GRAP2: variants seen among roughly 807,000 people sequenced by gnomAD.
The protein encoded by GRAP2 is GRB2-related adapter protein 2.
A neutral mutation model predicts 43.5 loss-of-function variants in GRAP2; 31 were observed. That is an observed-to-expected ratio of 0.71 (90% CI 0.54 to 0.96). GRAP2 has a LOEUF of 0.96. Ranked by LOEUF, GRAP2 falls within the 40% of genes least tolerant of loss-of-function variation. The probability of loss-of-function intolerance (pLI) is 0.00; values close to 1 mark genes in which losing one functional copy is unlikely to be tolerated. For missense variants in GRAP2, 371 were observed against 424.4 expected (o/e 0.87, Z 1.11); for synonymous variants, 156 against 164.8 (o/e 0.95, Z 0.41).
At chr22:39,958,726 C>G (rs528395986) in intron 3 of GRAP2, among the ~76,000 whole-genome samples, 1 of 152,196 alleles carries the variant, frequency 6.6e-6, no homozygotes, top group South Asian at 2.1e-4. Flanking sequence ...GTTTCCTTTG[C>G]GATATGGCTG....
At chr22:39,920,237 T>A (rs2066637406) in intron 1 of GRAP2, among the ~76,000 whole-genome samples, 2 of 152,214 alleles carry the variant, frequency 1.3e-5, no homozygotes, top group South Asian at 4.1e-4. Context: ...GGACACACAC[T>A]GTCCAGCATA....
At chr22:39,917,407 C>G (rs1179312573) in intron 1 of GRAP2, among the ~76,000 whole-genome samples, 3 of 152,174 alleles carry the variant, frequency 2.0e-5, no homozygotes, top group African/African-American at 7.2e-5. Context: ...AGATGCTTCT[C>G]GTTCTCAGAC....
At position 39,945,619 on chromosome 22, in the gene GRAP2, G is replaced by C. The variant is rs578228309; in HGVS notation, c.-14-1474G>C. ...AATTTTGATCAACAAGAAAATAACA[G>C]CTTTCAAGATTGTCCTGACAGTTAA... On this transcript the variant is annotated intron_variant, in intron 1 of 7. Transcript: ENST00000344138. Among the ~76,000 whole-genome samples the C allele has an allele frequency of 3.3e-5, 5 of 152,306 alleles. No individual in the cohort carries two copies. The South Asian group carries it at 8.3e-4, about 25-fold the overall frequency.
chr22:39,948,706 A>G (rs991926707), intron 2 of GRAP2, among the ~76,000 whole-genome samples: 1 of 151,912 alleles, frequency 6.6e-6, no homozygotes, highest in Non-Finnish European at 1.5e-5. Context: ...ATTCTCTTGA[A>G]GTTCACCAGT....
chr22:39,967,994 C>G (rs767038498), intron 5 of GRAP2, 48 bp from the exon 6 acceptor site: 3 of 1,581,814 alleles, frequency 1.9e-6, no homozygotes, highest in Non-Finnish European at 2.6e-6. Context: ...TAGGGCCAGA[C>G]GATCAGAGAG....
intron 1 of GRAP2, 44 bp from the exon 2 acceptor site, chr22:39,947,048 TC>T: frequency 9.2e-7 from 1 of 1,088,612 alleles, no homozygotes; most frequent in Admixed American, 1.7e-5. Flanking sequence ...TCTGCTGCCC[TC>T]CCCCTGGCAG....
intron 5 of GRAP2, among the ~76,000 whole-genome samples, chr22:39,967,006 AC>A (rs1420613802): frequency 2.0e-5 from 3 of 152,140 alleles, no homozygotes; most frequent in Non-Finnish European, 4.4e-5. Flanking sequence ...TCACACACAC[AC>A]ACACACACCA....
chr22:39,949,668 C>A (rs1054753400), intron 2 of GRAP2, among the ~76,000 whole-genome samples: 4 of 152,214 alleles, frequency 2.6e-5, no homozygotes, highest in Non-Finnish European at 4.4e-5. Context: ...CATCTGCCCC[C>A]TTTGAGCTTT....
chr22:39,917,932 T>C (rs757426473), intron 1 of GRAP2, among the ~76,000 whole-genome samples: 3 of 152,236 alleles, frequency 2.0e-5, no homozygotes, highest in Non-Finnish European at 2.9e-5. Context: ...ACTCTTCTTA[T>C]GTAATGTGGC....
chr22:39,920,473 C>T (rs549869755), intron 1 of GRAP2, among the ~76,000 whole-genome samples: 2 of 152,166 alleles, frequency 1.3e-5, no homozygotes, highest in East Asian at 1.9e-4. Flanking sequence ...CCTGGTTCTC[C>T]GGAACCAGCC....
chr22:39,939,406 C>CA (rs1297154824), intron 1 of GRAP2, among the ~76,000 whole-genome samples: 7 of 151,004 alleles, frequency 4.6e-5, no homozygotes, highest in African/African-American at 1.2e-4. Flanking sequence ...ACTAAAAATA[C>CA]AAAAAATTAG....
At chr22:39,898,473 G>A (rs760986226), upstream of GRAP2, among the ~76,000 whole-genome samples, 1 of 152,218 alleles carries the variant, frequency 6.6e-6, no homozygotes, top group Non-Finnish European at 1.5e-5. Flanking sequence ...TAAATAAGAA[G>A]TACATATTTT....
intron 1 of GRAP2, among the ~76,000 whole-genome samples, chr22:39,911,282 C>T (rs1293334297): frequency 6.6e-6 from 1 of 152,044 alleles, no homozygotes; most frequent in East Asian, 1.9e-4. Context: ...GTAGTAACAT[C>T]ACGTGATGGT....
At chr22:39,958,797 T>C (rs2067085424) in intron 3 of GRAP2, among the ~76,000 whole-genome samples, 1 of 152,126 alleles carries the variant, frequency 6.6e-6, no homozygotes, top group African/African-American at 2.4e-5. Context: ...GTGGCAGTGG[T>C]GTGTGTGGTG....
intron 4 of GRAP2, among the ~76,000 whole-genome samples, chr22:39,965,564 T>C (rs1027628566): frequency 6.6e-6 from 1 of 152,164 alleles, no homozygotes; most frequent in Non-Finnish European, 1.5e-5. Flanking sequence ...AGTGCTAGCT[T>C]ATGGGCTTAA....
chr22:39,898,552 C>A (rs2066474261), upstream of GRAP2, among the ~76,000 whole-genome samples: 1 of 152,338 alleles, frequency 6.6e-6, no homozygotes, highest in South Asian at 2.1e-4. Context: ...GTGGCTCATG[C>A]CTGTAATCCC....
Position 39,946,944 on chromosome 22 carries a change from C to G in GRAP2, c.-14-149C>G, listed in dbSNP as rs1251279780. On this transcript the variant is annotated intron_variant, in intron 1 of 7. Transcript: ENST00000344138. ...CGGCAGCTCTTCCTGCAAACACAAG[C>G]CCTTGTTGTGTGCCTGAGCCTTGCT... is the stretch of plus-strand genomic sequence containing the variant. The G allele has an allele frequency of 3.4e-5, 21 of 625,558 alleles. 1 individual carries two copies. Among genetic ancestry groups the G allele is most frequent in the Admixed American group, 1.5e-4 (6 of 40,468 alleles). The allele number at this position is 625,558 out of a possible 1,614,324, so 38.8% of individuals were successfully genotyped here. A position where few individuals can be genotyped will look rare whatever the true frequency, so the allele number is the denominator to read the frequency against.
intron 4 of GRAP2, chr22:39,964,492 C>T (rs1295986482): frequency 3.9e-6 from 4 of 1,030,286 alleles, no homozygotes; most frequent in Non-Finnish European, 4.5e-6. Context: ...GCAGAAGAAA[C>T]TCGAGGTGCT....
intron 1 of GRAP2, among the ~76,000 whole-genome samples, chr22:39,919,262 C>T (rs148652521): frequency 6.6e-6 from 1 of 152,068 alleles, no homozygotes; most frequent in African/African-American, 2.4e-5. Context: ...TGTACCAGCT[C>T]CTAAACATTA....
Sources: allele counts gnomAD v4.1 joint callset (sites outside exome capture counted in the v4.1 genomes callset), GRCh38; gene constraint gnomAD v4.1.1; transcripts MANE v1.5; gene names NCBI Gene and HGNC (gene_info 2026-07-23, HGNC 2026-07-21).